COL11A1: variants seen among roughly 807,000 people sequenced by gnomAD.
The protein encoded by COL11A1 is collagen alpha-1(XI) chain.
COL11A1 carries 74 observed loss-of-function variants against 265.2 expected under a neutral mutation model. The observed-to-expected ratio is 0.28, with a 90% CI of 0.23 to 0.34. The LOEUF (loss-of-function observed/expected upper bound fraction) is 0.34. Among genes scored for constraint, COL11A1 ranks in the 10% least tolerant of loss-of-function variants. COL11A1 has a pLI of 1.00. For synonymous variants in COL11A1, 816 were observed against 727.6 expected (o/e 1.12, Z -1.96); for missense variants, 2,165 against 2,263.6 (o/e 0.96, Z 0.88).
intron 46 of COL11A1, among the ~76,000 whole-genome samples, chr1:102,931,437 A>T (rs1372453946): frequency 6.6e-6 from 1 of 151,466 alleles, no homozygotes; most frequent in African/African-American, 2.4e-5. Flanking sequence ...TTCTAGTTTG[A>T]TTGCACTGTG....
intron 41 of COL11A1, chr1:102,961,616 A>C (rs1660914310): frequency 2.4e-6 from 1 of 415,092 alleles, no homozygotes; most frequent in Admixed American, 3.9e-5. Context: ...TTTCCTTGGG[A>C]ACCGTAAGAA....
chr1:103,038,038 T>G (rs1170600101), intron 4 of COL11A1, among the ~76,000 whole-genome samples: 1 of 152,222 alleles, frequency 6.6e-6, no homozygotes, highest in Non-Finnish European at 1.5e-5. Context: ...ATGAAACGGT[T>G]CTTGGAAAAA....
chr1:102,918,764 A>G (rs1384087388), intron 49 of COL11A1, among the ~76,000 whole-genome samples: 1 of 152,062 alleles, frequency 6.6e-6, no homozygotes, highest in African/African-American at 2.4e-5. Flanking sequence ...ATAAGAGTCA[A>G]AGTTGGCAAA....
chr1:103,047,192 T>C (rs1320554706), intron 4 of COL11A1, among the ~76,000 whole-genome samples: 4 of 152,192 alleles, frequency 2.6e-5, no homozygotes, highest in African/African-American at 4.8e-5. Flanking sequence ...GTAAATTACC[T>C]TGGGCAGTAT....
At chr1:102,921,701 GT>G (rs1656006770) in intron 47 of COL11A1, 130 bp from the exon 48 acceptor site, 1 of 737,466 alleles carries the variant, frequency 1.4e-6, no homozygotes, top group South Asian at 1.7e-5. Flanking sequence ...GCACATCAGG[GT>G]TATAAGTCAT....
chr1:102,915,607 T>C (rs1349479496), intron 50 of COL11A1, 24 bp downstream of exon 50: 4 of 1,602,968 alleles, frequency 2.5e-6, no homozygotes, highest in Non-Finnish European at 3.4e-6. Context: ...TAATACACTA[T>C]GTTAACAATA....
Position 103,108,316 on chromosome 1 carries a change from C to A in COL11A1, c.-138G>T. 4.2e-6 allele frequency: 3 copies of A among 716,480 alleles called. No homozygotes were observed. The highest frequency in any genetic ancestry group is 7.6e-6 in the Non-Finnish European group (3 of 397,240). 44.4% of individuals were successfully genotyped at this position (716,480 alleles called of 1,614,324 possible). A position where few individuals can be genotyped will look rare whatever the true frequency, so the allele number is the denominator to read the frequency against. ...GGGAGAGGGGGAAAAAGTCAAAGGG[C>A]TTTTTCTTCTAAATTTGATGGTTTG... On this transcript the variant is annotated 5_prime_UTR_variant, in exon 1 of 67. Transcript: ENST00000370096.
At chr1:103,066,035 T>C (rs1289416851) in intron 4 of COL11A1, among the ~76,000 whole-genome samples, 1 of 152,038 alleles carries the variant, frequency 6.6e-6, no homozygotes, top group Admixed American at 6.6e-5. Flanking sequence ...CAGAATTCTA[T>C]GGTCAGTGAA....
chr1:102,982,907 A>G (rs1663174674), intron 31 of COL11A1, among the ~76,000 whole-genome samples: 1 of 152,106 alleles, frequency 6.6e-6, no homozygotes, highest in Non-Finnish European at 1.5e-5. Context: ...AGGATTTGCC[A>G]TACCTATTGT....
intron 37 of COL11A1, among the ~76,000 whole-genome samples, chr1:102,966,757 G>A (rs1330316041): frequency 1.3e-5 from 2 of 152,008 alleles, no homozygotes; most frequent in Non-Finnish European, 2.9e-5. Flanking sequence ...GTGTGTCCCT[G>A]GATTATCTCA....
chr1:102,916,349 T>C (rs978028430), intron 49 of COL11A1, among the ~76,000 whole-genome samples: 1 of 152,124 alleles, frequency 6.6e-6, no homozygotes, highest in Admixed American at 6.6e-5. Flanking sequence ...GGTTTAGCTA[T>C]GAAAGTCTGT....
Position 102,883,204 on chromosome 1 carries a change from C to T in COL11A1, c.4966G>A (p.Glu1656Lys), listed in dbSNP as rs1570618378. Reference sequence around the variant, plus strand: ...CAAAACAGATTGGTACTTACTCCCTCAGATTTTTTGTCTGGATAAATGCAA... The same window carrying T: ...CAAAACAGATTGGTACTTACTCCCTTAGATTTTTTGTCTGGATAAATGCAA... ...ETCIYPDKKS[E>K]GVRISSWPKE... The change falls in exon 64 of 67, where the codon GAG becomes AAG. Residue 1656 changes from glutamate to lysine, a missense_variant. Coordinates refer to ENST00000370096, the MANE Select transcript of COL11A1 (RefSeq NM_001854.4). 1 of 1,606,654 alleles carries T rather than the reference C, an allele frequency of 6.2e-7. No homozygotes were observed. Among genetic ancestry groups the T allele is most frequent in the African/African-American group, 1.3e-5 (1 of 74,708 alleles).
At position 102,919,756 on chromosome 1, in the gene COL11A1, C is replaced by G. The variant is rs2783563; in HGVS notation, c.3762+555G>C. On this transcript the variant is annotated intron_variant, in intron 49 of 66. Coordinates refer to ENST00000370096, the MANE Select transcript of COL11A1 (RefSeq NM_001854.4). ...ACAAGAAAAAAAAAGCTATTCTGAG[C>G]CCAGATATTGTGGTTCATGCCAAAT... Among the ~76,000 whole-genome samples the G allele has an allele frequency of 3.9e-3, 591 of 151,988 alleles. 5 individuals carry two copies. The highest frequency in any genetic ancestry group is 0.014 in the African/African-American group (569 of 41,512).
At chr1:102,921,492 A>C (rs1655984795) in intron 48 of COL11A1, 26 bp downstream of exon 48, 2 of 1,575,878 alleles carry the variant, frequency 1.3e-6, no homozygotes, top group Non-Finnish European at 1.7e-6. Flanking sequence ...CTTCAAAATA[A>C]TTAACATATA....
At chr1:103,017,631 G>A (rs1377441813) in intron 11 of COL11A1, among the ~76,000 whole-genome samples, 189 bp downstream of exon 11, 2 of 152,080 alleles carry the variant, frequency 1.3e-5, no homozygotes, top group African/African-American at 4.8e-5. Context: ...ATAGATAAAT[G>A]CACATTGTTT....
chr1:102,984,041 T>C, intron 31 of COL11A1, 97 bp downstream of exon 31: 1 of 895,952 alleles, frequency 1.1e-6, no homozygotes, highest in Non-Finnish European at 1.8e-6. Context: ...TAAGTACTCA[T>C]GATAATATAG....
chr1:103,107,543 C>G (rs760037437), intron 1 of COL11A1, among the ~76,000 whole-genome samples: 3 of 149,926 alleles, frequency 2.0e-5, no homozygotes, highest in Non-Finnish European at 3.0e-5. Context: ...ATTCACCCCC[C>G]TGGTTTCTCT....
intron 46 of COL11A1, among the ~76,000 whole-genome samples, chr1:102,929,562 C>A (rs1444883825): frequency 2.0e-5 from 3 of 152,018 alleles, no homozygotes; most frequent in Non-Finnish European, 4.4e-5. Flanking sequence ...TTAGGATTGA[C>A]TTGGCAATGC....
At position 102,898,130 on chromosome 1, in the gene COL11A1, G is replaced by A; in HGVS notation, c.4297C>T (p.Pro1433Ser). 5 of 1,554,462 alleles carry A rather than the reference G, an allele frequency of 3.2e-6. No homozygotes were observed. Among genetic ancestry groups the A allele is most frequent in the Non-Finnish European group, 4.4e-6 (5 of 1,144,494 alleles). The change falls in exon 57 of 67, where the codon CCT (proline) becomes TCT (serine). Residue 1433 changes from proline to serine, a missense_variant. By Grantham distance (74) the Pro-to-Ser change is moderately conservative. Coordinates refer to ENST00000370096, the MANE Select transcript of COL11A1 (RefSeq NM_001854.4). The stretch of plus-strand genomic sequence containing the variant: ...ACTGAAAAGATCTTACTCACCATAG[G>A]ACCAGGTGGTCCATCTTGGCCTGCA... ...GAAGQDGPPG[P>S]MGPPGLPGLK...
Sources: gnomAD v4.1 joint callset for allele counts (sites outside exome capture counted in the v4.1 genomes callset) on GRCh38, gnomAD v4.1.1 for gene constraint, MANE v1.5 for transcripts, NCBI Gene and HGNC (gene_info 2026-07-23, HGNC 2026-07-21) for gene names.